STPG2: variants seen among roughly 807,000 people sequenced by gnomAD.
STPG2 encodes the protein sperm tail PG-rich repeat containing 2.
Under a neutral mutation model 54.2 loss-of-function variants are expected in STPG2, and 56 were observed. The observed-to-expected ratio is 1.03, with a 90% CI of 0.83 to 1.29. The LOEUF is 1.29. Ranked by LOEUF, STPG2 falls within the 50% of genes most tolerant of loss-of-function variation. The pLI, the probability that STPG2 is intolerant of heterozygous loss-of-function variation, is 0.00. For missense variants in STPG2, 596 were observed against 544.9 expected (o/e 1.09, Z -0.93); for synonymous variants, 200 against 181.8 (o/e 1.10, Z -0.81).
chr4:97,559,175 A>C, intron 10 of STPG2, 58 bp from the exon 11 acceptor site: 1 of 1,110,332 alleles, frequency 9.0e-7, no homozygotes, highest in Non-Finnish European at 1.3e-6. Context: ...AAAGAAAAAT[A>C]ATATTCATTA....
intron 9 of STPG2, among the ~76,000 whole-genome samples, chr4:97,837,372 T>C (rs1353768173): frequency 1.3e-5 from 2 of 151,724 alleles, no homozygotes; most frequent in Non-Finnish European, 3.0e-5. Flanking sequence ...ACAATGTTTA[T>C]ATCTATTTTC....
chr4:98,035,789 C>A (rs987615437), intron 5 of STPG2, among the ~76,000 whole-genome samples: 17 of 152,126 alleles, frequency 1.1e-4, no homozygotes, highest in African/African-American at 3.9e-4. Flanking sequence ...AGTTCATGTC[C>A]TTTGCAGGGA....
At chr4:97,883,667 A>G (rs1018865358) in intron 8 of STPG2, among the ~76,000 whole-genome samples, 2 of 152,174 alleles carry the variant, frequency 1.3e-5, no homozygotes, top group African/African-American at 4.8e-5. Flanking sequence ...GGAAAGAATC[A>G]CTGCATTAAA....
chr4:97,749,534 T>A (rs1481022102), intron 9 of STPG2, among the ~76,000 whole-genome samples: 1 of 151,788 alleles, frequency 6.6e-6, no homozygotes, highest in East Asian at 1.9e-4. Flanking sequence ...GTGAATATAC[T>A]TTATTATTTT....
chr4:97,738,890 C>G (rs191998408), intron 9 of STPG2, among the ~76,000 whole-genome samples: 2 of 152,092 alleles, frequency 1.3e-5, no homozygotes, highest in African/African-American at 4.8e-5. Flanking sequence ...ACTCTCCACC[C>G]CAAATCAACA....
At chr4:97,580,982 T>C (rs1218458646) in intron 10 of STPG2, among the ~76,000 whole-genome samples, 1 of 152,092 alleles carries the variant, frequency 6.6e-6, no homozygotes, top group East Asian at 1.9e-4. Context: ...ATTATAAATT[T>C]TGATTAAAAG....
chr4:97,978,203 A>G (rs1274268205), intron 6 of STPG2, among the ~76,000 whole-genome samples: 2 of 152,210 alleles, frequency 1.3e-5, no homozygotes, highest in East Asian at 1.9e-4. Flanking sequence ...GTTCTATTAC[A>G]AAGACACAAG....
chr4:97,631,312 A>C (rs558664510), intron 10 of STPG2, among the ~76,000 whole-genome samples: 9 of 152,164 alleles, frequency 5.9e-5, no homozygotes, highest in African/African-American at 2.2e-4. Flanking sequence ...AATTTCCATC[A>C]ACACAGTGCA....
chr4:97,771,600 G>T (rs138326055), intron 9 of STPG2, among the ~76,000 whole-genome samples: 293 of 152,296 alleles, frequency 1.9e-3, no homozygotes, highest in African/African-American at 6.9e-3. Flanking sequence ...AAGGAATGGG[G>T]TTTCCGATGC....
chr4:97,836,815 CATTA>C (rs1389237706), intron 9 of STPG2, among the ~76,000 whole-genome samples: 4 of 149,944 alleles, frequency 2.7e-5, no homozygotes, highest in South Asian at 2.1e-4. Flanking sequence ...ATATATTATT[CATTA>C]ATTAATAATT....
At chr4:97,571,471 C>G (rs878937925) in intron 10 of STPG2, among the ~76,000 whole-genome samples, 1 of 152,110 alleles carries the variant, frequency 6.6e-6, no homozygotes, top group Non-Finnish European at 1.5e-5. Context: ...CATTTTACAA[C>G]CTATTCTCTC....
chr4:97,781,045 T>C (rs1423366395), intron 9 of STPG2, among the ~76,000 whole-genome samples: 5 of 151,984 alleles, frequency 3.3e-5, no homozygotes, highest in Non-Finnish European at 7.4e-5. Context: ...AGCAAACACA[T>C]TCAAAAGCTA....
At chr4:98,080,717 G>A (rs1560670123) in intron 5 of STPG2, among the ~76,000 whole-genome samples, 2 of 152,152 alleles carry the variant, frequency 1.3e-5, no homozygotes, top group African/African-American at 2.4e-5. Flanking sequence ...AAGTTCAGTG[G>A]TGTGATATAG....
chr4:97,561,097 T>A (rs536344142), intron 10 of STPG2, among the ~76,000 whole-genome samples: 57 of 152,148 alleles, frequency 3.7e-4, no homozygotes, highest in African/African-American at 1.3e-3. Flanking sequence ...TTTCTCCACA[T>A]CCTCTCCAGC....
intron 5 of STPG2, among the ~76,000 whole-genome samples, chr4:98,079,777 T>G (rs1383380380): frequency 6.6e-6 from 1 of 152,142 alleles, no homozygotes; most frequent in Non-Finnish European, 1.5e-5. Context: ...TAAAACTCTT[T>G]AGGTACATTT....
At chr4:97,580,917 T>C (rs192123886) in intron 10 of STPG2, among the ~76,000 whole-genome samples, 84 of 152,192 alleles carry the variant, frequency 5.5e-4, no homozygotes, top group African/African-American at 1.7e-3. Context: ...AAAATATGCG[T>C]TCCTTTGCAT....
chr4:97,507,583 T>C (rs955922743), intron 4 of STPG2, among the ~76,000 whole-genome samples: 1 of 152,042 alleles, frequency 6.6e-6, no homozygotes, highest in Non-Finnish European at 1.5e-5. Flanking sequence ...TCATTTCAGA[T>C]GCCAGCTGCA....
intron 10 of STPG2, among the ~76,000 whole-genome samples, chr4:97,561,738 A>G (rs1163342583): frequency 1.3e-5 from 2 of 152,196 alleles, no homozygotes; most frequent in Non-Finnish European, 2.9e-5. Context: ...TTTGTCAAAG[A>G]TCAGATAGTT....
intron 9 of STPG2, among the ~76,000 whole-genome samples, chr4:97,753,806 A>G (rs986867335): frequency 1.3e-5 from 2 of 151,986 alleles, no homozygotes; most frequent in Non-Finnish European, 2.9e-5. Flanking sequence ...TTGTATATCT[A>G]CTTTGAAGAA....
Sources: allele counts gnomAD v4.1 joint callset (sites outside exome capture counted in the v4.1 genomes callset), GRCh38; gene constraint gnomAD v4.1.1; transcripts MANE v1.5; gene names NCBI Gene and HGNC (gene_info 2026-07-23, HGNC 2026-07-21).